Variants in DLG2 observed in about 807,000 individuals in gnomAD.
DLG2 encodes discs large MAGUK scaffold protein 2, also known as disks large homolog 2.
Under a neutral mutation model 132.5 loss-of-function variants are expected in DLG2, and 45 were observed. That is an observed-to-expected ratio of 0.34 (90% CI 0.27 to 0.44). The LOEUF is 0.44. Ranked by LOEUF, DLG2 falls within the 20% of genes least tolerant of loss-of-function variation. DLG2 has a pLI of 1.00. For missense variants in DLG2, 1,045 were observed against 1,196.9 expected (o/e 0.87, Z 1.87); for synonymous variants, 424 against 419.6 (o/e 1.01, Z -0.13).
At chr11:84,182,436 C>G (rs2096158498) in intron 8 of DLG2, among the ~76,000 whole-genome samples, 1 of 150,900 alleles carries the variant, frequency 6.6e-6, no homozygotes, top group African/African-American at 2.4e-5. Flanking sequence ...AAGGCTGACG[C>G]AGGAGGATCA....
At chr11:84,236,025 T>C (rs1324661894) in intron 8 of DLG2, among the ~76,000 whole-genome samples, 1 of 147,232 alleles carries the variant, frequency 6.8e-6, no homozygotes, top group Non-Finnish European at 1.5e-5. Context: ...TACTGTGAGA[T>C]ATTTCCACCT....
intron 16 of DLG2, among the ~76,000 whole-genome samples, chr11:83,834,100 C>G (rs1181743211): frequency 1.3e-5 from 2 of 152,108 alleles, no homozygotes; most frequent in Non-Finnish European, 2.9e-5. Context: ...CGGATGCACA[C>G]AAAAGCAGGG....
chr11:84,420,693 G>C (rs1358648669), intron 7 of DLG2, among the ~76,000 whole-genome samples: 1 of 44,840 alleles, frequency 2.2e-5, no homozygotes. Flanking sequence ...TTTTGAGACG[G>C]AGTCTTGCTC....
chr11:85,252,029 C>A (rs1304758761), intron 4 of DLG2, among the ~76,000 whole-genome samples: 1 of 151,994 alleles, frequency 6.6e-6, no homozygotes, highest in Non-Finnish European at 1.5e-5. Flanking sequence ...AGCAAAAAGC[C>A]CATTAATGAA....
At chr11:83,979,982 C>A (rs2092636592) in intron 12 of DLG2, among the ~76,000 whole-genome samples, 1 of 152,126 alleles carries the variant, frequency 6.6e-6, no homozygotes, top group Non-Finnish European at 1.5e-5. Flanking sequence ...AAAATAGATA[C>A]ATTGTACATG....
At chr11:85,305,470 T>G (rs2079875350) in intron 3 of DLG2, among the ~76,000 whole-genome samples, 1 of 152,216 alleles carries the variant, frequency 6.6e-6, no homozygotes, top group African/African-American at 2.4e-5. Context: ...AAAGTGGTTA[T>G]CCAGAGAATC....
At chr11:84,639,340 A>C (rs571867657) in intron 6 of DLG2, among the ~76,000 whole-genome samples, 1 of 137,164 alleles carries the variant, frequency 7.3e-6, no homozygotes, top group African/African-American at 2.9e-5. Context: ...CATATTGCAG[A>C]TATCTGTGTT....
intron 11 of DLG2, 49 bp downstream of exon 11, chr11:84,059,266 G>A (rs2096553749): frequency 6.3e-7 from 1 of 1,579,578 alleles, no homozygotes. Flanking sequence ...ATAAACTTCA[G>A]TCAGATGGTT....
Position 85,600,703 on chromosome 11 carries a change from A to T in DLG2, c.-92-1915T>A, listed in dbSNP as rs189343657. Among the ~76,000 whole-genome samples the T allele has an allele frequency of 5.3e-3, 812 of 152,340 alleles. 7 individuals carry two copies. Among genetic ancestry groups the T allele is most frequent in the African/African-American group, 0.018 (766 of 41,580 alleles). ...TTATGTTGTCATATTAATAAAATGA[A>T]AATAAAACAACAAAGATAGTTTTTG... is the stretch of plus-strand genomic sequence containing the variant. On this transcript the variant is annotated intron_variant, in intron 2 of 27. Transcript: ENST00000376104.
chr11:85,265,958 C>G (rs1387189816), intron 4 of DLG2, among the ~76,000 whole-genome samples: 1 of 152,212 alleles, frequency 6.6e-6, no homozygotes, highest in Non-Finnish European at 1.5e-5. Context: ...TTACCTCATT[C>G]TCTTGGATAC....
chr11:85,520,185 C>T (rs1334959239), intron 3 of DLG2, among the ~76,000 whole-genome samples: 1 of 151,954 alleles, frequency 6.6e-6, no homozygotes, highest in African/African-American at 2.4e-5. Context: ...CAGCCAGTAG[C>T]ATTTCTATAC....
chr11:83,686,293 C>A (rs2079747074), intron 18 of DLG2, among the ~76,000 whole-genome samples: 1 of 152,256 alleles, frequency 6.6e-6, no homozygotes, highest in Middle Eastern at 3.4e-3. Context: ...TCTCTGACAT[C>A]CTGTATAGAA....
At chr11:85,431,640 G>A (rs2091190331) in intron 3 of DLG2, among the ~76,000 whole-genome samples, 1 of 152,238 alleles carries the variant, frequency 6.6e-6, no homozygotes, top group African/African-American at 2.4e-5. Flanking sequence ...ACTCCAACCA[G>A]GGGCTCAGGG....
intron 16 of DLG2, among the ~76,000 whole-genome samples, chr11:83,865,422 G>T (rs891360811): frequency 6.6e-6 from 1 of 150,492 alleles, no homozygotes; most frequent in Admixed American, 6.6e-5. Flanking sequence ...ATTGCACTAT[G>T]CAAACATAAG....
intron 12 of DLG2, among the ~76,000 whole-genome samples, chr11:83,972,586 C>T (rs1245674257): frequency 1.3e-5 from 2 of 152,046 alleles, no homozygotes; most frequent in Non-Finnish European, 2.9e-5. Context: ...CTCTATTCCC[C>T]TAGCTGATGC....
At chr11:85,625,479 T>C (rs138475368) in intron 2 of DLG2, among the ~76,000 whole-genome samples, 29 of 152,270 alleles carry the variant, frequency 1.9e-4, no homozygotes, top group African/African-American at 6.3e-4. Flanking sequence ...AGTGTGCAAA[T>C]ATCACAGTTC....
At chr11:84,735,343 A>G (rs1357675182) in intron 6 of DLG2, among the ~76,000 whole-genome samples, 1 of 152,064 alleles carries the variant, frequency 6.6e-6, no homozygotes, top group African/African-American at 2.4e-5. Context: ...CAGAGATTCA[A>G]TTTCTTCCTG....
In DLG2 at chr11:83,469,338, C is replaced by T; in HGVS notation, c.2482G>A (p.Gly828Ser). ...TRPKRDYEVD[G>S]RDYHFVISRE... ...GAAATGACAAAGTGATAGTCTCTGC[C>T]ATCCACCTCGTAGTCTCGCTTTGGC... The change falls in exon 25 of 28, where the codon GGC becomes AGC. Residue 828 changes from glycine to serine, a missense_variant. Physicochemically the swap from Gly to Ser is moderately conservative, Grantham distance 56. Transcript: ENST00000376104. The T allele has an allele frequency of 1.2e-6, 2 of 1,613,164 alleles. No homozygotes were observed. The highest frequency in any genetic ancestry group is 8.5e-7 in the Non-Finnish European group (1 of 1,179,676).
intron 21 of DLG2, among the ~76,000 whole-genome samples, chr11:83,484,555 C>A (rs976647155): frequency 6.6e-6 from 1 of 151,944 alleles, no homozygotes; most frequent in Admixed American, 6.6e-5. Context: ...TAGTTCATCA[C>A]CTTAGAAAGG....
Sources: gnomAD v4.1 joint callset for allele counts (sites outside exome capture counted in the v4.1 genomes callset) on GRCh38, gnomAD v4.1.1 for gene constraint, MANE v1.5 for transcripts, NCBI Gene and HGNC (gene_info 2026-07-23, HGNC 2026-07-21) for gene names.